NF1: variants seen among roughly 807,000 people sequenced by gnomAD.
NF1 encodes the protein neurofibromin.
NF1 carries 122 observed loss-of-function variants against 325.7 expected under a neutral mutation model. That is an observed-to-expected ratio of 0.37 (90% CI 0.32 to 0.44). The LOEUF is 0.44. Ranked by LOEUF, NF1 falls within the 20% of genes least tolerant of loss-of-function variation. NF1 has a pLI of 1.00. For synonymous variants in NF1, 1,091 were observed against 1,186.0 expected, an observed-to-expected ratio of 0.92 and a Z score of 1.65; for missense variants, 2,140 against 3,415.4, an observed-to-expected ratio of 0.63 and a Z score of 9.31.
chr17:31,260,241 T>C (rs2067659797), intron 33 of NF1, 128 bp from the exon 34 acceptor site: 1 of 972,290 alleles, frequency 1.0e-6, no homozygotes, highest in African/African-American at 1.6e-5. Flanking sequence ...TCAAGTCACA[T>C]TGTGTGAACA....
intron 11 of NF1, among the ~76,000 whole-genome samples, chr17:31,205,911 A>T (rs1567838019): frequency 6.6e-6 from 1 of 152,134 alleles, no homozygotes; most frequent in Non-Finnish European, 1.5e-5. Flanking sequence ...TTAAAAAAAA[A>T]AAAAGAAGAT....
intron 36 of NF1, among the ~76,000 whole-genome samples, chr17:31,271,334 CCTTTT>C (rs1441649314): frequency 2.6e-5 from 4 of 151,562 alleles, no homozygotes; most frequent in African/African-American, 9.7e-5. Flanking sequence ...AGAATTGGCA[CCTTTT>C]CTTAGCGAAA....
chr17:31,140,865 A>T (rs899752904), intron 1 of NF1, among the ~76,000 whole-genome samples: 14 of 152,228 alleles, frequency 9.2e-5, no homozygotes, highest in African/African-American at 3.1e-4. Context: ...GAAAAATACT[A>T]TATAATCTCA....
chr17:31,288,429 A>G (rs2068280784), intron 36 of NF1, among the ~76,000 whole-genome samples: 1 of 151,680 alleles, frequency 6.6e-6, no homozygotes, highest in Non-Finnish European at 1.5e-5. Flanking sequence ...GCAATTTTCT[A>G]TATTGAATTG....
intron 48 of NF1, among the ~76,000 whole-genome samples, chr17:31,348,727 A>T (rs1427493345): frequency 2.5e-5 from 1 of 40,210 alleles, no homozygotes; most frequent in Non-Finnish European, 1.0e-4. Flanking sequence ...ATCTTTTCTT[A>T]AAAAAAAAAA....
intron 48 of NF1, among the ~76,000 whole-genome samples, chr17:31,348,621 G>T: frequency 6.7e-6 from 1 of 148,858 alleles, no homozygotes. Flanking sequence ...TCTGTTTCTT[G>T]TTTTCTTCAA....
intron 21 of NF1, 115 bp from the exon 22 acceptor site, chr17:31,229,720 C>T: frequency 3.0e-6 from 4 of 1,336,610 alleles, no homozygotes; most frequent in Non-Finnish European, 4.3e-6. Flanking sequence ...TTATTTGGCT[C>T]TATGCCTGTG....
intron 4 of NF1, among the ~76,000 whole-genome samples, chr17:31,166,759 A>T (rs1447460722): frequency 6.6e-6 from 1 of 152,024 alleles, no homozygotes; most frequent in African/African-American, 2.4e-5. Context: ...GCAGGGCCCA[A>T]GTTAGAATCC....
intron 36 of NF1, among the ~76,000 whole-genome samples, chr17:31,322,338 G>C (rs1440594747): frequency 1.1e-4 from 16 of 151,224 alleles, no homozygotes; most frequent in Admixed American, 1.1e-3. Flanking sequence ...AAATTAACCA[G>C]GCAGGGTAGC....
At chr17:31,304,150 T>C (rs1156365296) in intron 36 of NF1, 1 of 1,100,102 alleles carries the variant, frequency 9.1e-7, no homozygotes, top group Non-Finnish European at 1.3e-6. Flanking sequence ...TTTCAGATAG[T>C]TCCTGAATAA....
chr17:31,207,408 T>G (rs2066643577), intron 12 of NF1, among the ~76,000 whole-genome samples: 1 of 152,162 alleles, frequency 6.6e-6, no homozygotes, highest in South Asian at 2.1e-4. Context: ...CCAAGTCCCC[T>G]TAGTCAGTGA....
At chr17:31,126,150 T>G (rs1435970232) in intron 1 of NF1, among the ~76,000 whole-genome samples, 1 of 151,932 alleles carries the variant, frequency 6.6e-6, no homozygotes, top group Non-Finnish European at 1.5e-5. Context: ...ATCTTGCCAT[T>G]GCACTCCAGC....
chr17:31,148,184 G>C (rs1231091483), intron 1 of NF1, among the ~76,000 whole-genome samples: 1 of 151,998 alleles, frequency 6.6e-6, no homozygotes. Flanking sequence ...CTATTGTTTT[G>C]CAGTAAATTA....
intron 8 of NF1, chr17:31,183,466 G>T (rs1451767388): frequency 6.6e-6 from 1 of 152,216 alleles, no homozygotes; most frequent in African/African-American, 2.4e-5. Flanking sequence ...AAATGAACCA[G>T]GTAATCCTTG....
chr17:31,203,530 C>G (rs1293166002), intron 11 of NF1, among the ~76,000 whole-genome samples: 1 of 152,016 alleles, frequency 6.6e-6, no homozygotes, highest in Non-Finnish European at 1.5e-5. Flanking sequence ...CTGAAGTACT[C>G]TTTTGGTTGA....
At chr17:31,118,020 T>C (rs369531069) in intron 1 of NF1, among the ~76,000 whole-genome samples, 19 of 152,376 alleles carry the variant, frequency 1.2e-4, no homozygotes, top group Middle Eastern at 3.4e-3. Flanking sequence ...AATTGAATTA[T>C]GCTTTCAAAT....
At chr17:31,318,838 A>G (rs1244439885) in intron 36 of NF1, 1 of 1,613,930 alleles carries the variant, frequency 6.2e-7, no homozygotes, top group Non-Finnish European at 8.5e-7. Context: ...GTTTGTGTTA[A>G]TGTTTTCATT....
At chr17:31,153,611 C>T (rs1917100027) in intron 1 of NF1, among the ~76,000 whole-genome samples, 2 of 152,054 alleles carry the variant, frequency 1.3e-5, no homozygotes, top group Non-Finnish European at 2.9e-5. Context: ...GATGCTTATA[C>T]CACATTAGTA....
chr17:31,116,802 G>A (rs1352369763), intron 1 of NF1, among the ~76,000 whole-genome samples: 1 of 151,136 alleles, frequency 6.6e-6, no homozygotes, highest in African/African-American at 2.4e-5. Flanking sequence ...CGAGTAGCTG[G>A]GACTACAGGT....
Sources: allele counts gnomAD v4.1 joint callset (sites outside exome capture counted in the v4.1 genomes callset), GRCh38; gene constraint gnomAD v4.1.1; transcripts MANE v1.5; gene names NCBI Gene and HGNC (gene_info 2026-07-23, HGNC 2026-07-21).